The following RNF111 variants were observed in gnomAD, a reference collection of about 807,000 sequenced individuals.
RNF111 encodes E3 ubiquitin-protein ligase Arkadia.
RNF111 carries 17 observed loss-of-function variants against 95.1 expected under a neutral mutation model. The observed-to-expected ratio is 0.18, with a 90% CI of 0.12 to 0.27. RNF111 has a LOEUF of 0.27. Ranked by LOEUF, RNF111 falls within the 10% of genes least tolerant of loss-of-function variation. RNF111 has a pLI of 1.00. For synonymous variants in RNF111, 440 were observed against 414.8 expected, an observed-to-expected ratio of 1.06 and a Z score of -0.74; for missense variants, 1,189 against 1,210.4, an observed-to-expected ratio of 0.98 and a Z score of 0.26.
intron 6 of RNF111, among the ~76,000 whole-genome samples, chr15:59,070,026 CTGCT>C (rs1566930057): frequency 1.9e-5 from 2 of 103,728 alleles, no homozygotes; most frequent in Non-Finnish European, 3.6e-5. Flanking sequence ...ACCCCACCTC[CTGCT>C]TTTTTTTTTT....
At chr15:59,082,890 T>G (rs187833973) in intron 8 of RNF111, among the ~76,000 whole-genome samples, 50 of 152,366 alleles carry the variant, frequency 3.3e-4, no homozygotes, top group Admixed American at 3.2e-3. Context: ...AATTGCCAGT[T>G]TAACAGTCTT....
At chr15:59,027,205 C>T (rs112323787) in intron 1 of RNF111, among the ~76,000 whole-genome samples, 15 of 152,196 alleles carry the variant, frequency 9.9e-5, no homozygotes, top group African/African-American at 3.6e-4. Flanking sequence ...ATTTTTAAAT[C>T]TTCAGCCCAT....
intron 7 of RNF111, among the ~76,000 whole-genome samples, chr15:59,076,958 T>A (rs2078582087): frequency 1.3e-5 from 2 of 152,228 alleles, no homozygotes; most frequent in Non-Finnish European, 2.9e-5. Flanking sequence ...ACATATCTTC[T>A]TGGATTTTTT....
At chr15:59,018,561 A>C (rs138690293) in intron 1 of RNF111, among the ~76,000 whole-genome samples, 4 of 152,270 alleles carry the variant, frequency 2.6e-5, no homozygotes, top group Admixed American at 2.0e-4. Flanking sequence ...GAAAAAAAAC[A>C]AACTATATAT....
At chr15:59,017,044 TC>T (rs1179102316) in intron 1 of RNF111, among the ~76,000 whole-genome samples, 1 of 151,848 alleles carries the variant, frequency 6.6e-6, no homozygotes, top group Non-Finnish European at 1.5e-5. Context: ...TCCCACTGAT[TC>T]TATATTACGG....
chr15:59,032,905 T>A (rs779296708), intron 2 of RNF111, among the ~76,000 whole-genome samples: 113 of 152,126 alleles, frequency 7.4e-4, no homozygotes, highest in Middle Eastern at 3.4e-3. Context: ...TCTCTCTCTC[T>A]CACACACACA....
intron 6 of RNF111, among the ~76,000 whole-genome samples, chr15:59,074,409 A>G (rs1276357106): frequency 6.6e-6 from 1 of 152,230 alleles, no homozygotes; most frequent in African/African-American, 2.4e-5. Flanking sequence ...AAATGATCTT[A>G]GCTGGATTTT....
At chr15:59,070,765 C>A (rs1596269553) in intron 6 of RNF111, among the ~76,000 whole-genome samples, 1 of 152,134 alleles carries the variant, frequency 6.6e-6, no homozygotes, top group Non-Finnish European at 1.5e-5. Context: ...TATTATTCCC[C>A]CTAAACCTAG....
chr15:59,076,182 C>A lies in RNF111; in HGVS notation c.1915C>A (p.Leu639Ile). Residue 639 changes from leucine to isoleucine, a missense_variant, in exon 7 of 14, where the codon CTC (leucine) becomes ATC (isoleucine). Coordinates refer to ENST00000348370, the MANE Select transcript of RNF111 (RefSeq NM_017610.8). The part of the protein sequence containing the change: ...PQPQPPPQPS[L>I]SSCRHYMPPP... ...GCCCCAGCCCCCTCCACAGCCCTCTCTCTCATCATGTCGACATTACATGCC... is the reference window on the plus strand; with the variant it reads ...GCCCCAGCCCCCTCCACAGCCCTCTATCTCATCATGTCGACATTACATGCC... 6.2e-7 allele frequency: 1 copy of A among 1,613,790 alleles called. No homozygotes were observed. The highest frequency in any genetic ancestry group is 8.5e-7 in the Non-Finnish European group (1 of 1,180,034).
intron 5 of RNF111, among the ~76,000 whole-genome samples, chr15:59,063,816 C>G (rs375036159): frequency 6.6e-6 from 1 of 152,120 alleles, no homozygotes; most frequent in African/African-American, 2.4e-5. Flanking sequence ...CAACGTAATC[C>G]TCAAATAACT....
In RNF111 at chr15:59,041,733, T is replaced by C. The variant is rs553787491; in HGVS notation, c.880+10031T>C. 1.3e-3 allele frequency among the ~76,000 whole-genome samples: 203 copies of C among 152,314 alleles called. 3 individuals are homozygous for C. The highest frequency in any genetic ancestry group is 0.012 in the Admixed American group (178 of 15,302). On this transcript the variant is annotated intron_variant, in intron 2 of 13. Coordinates refer to ENST00000348370, the MANE Select transcript of RNF111 (RefSeq NM_017610.8). ...TTTTTCTCCATGGTGATTGTAACCA[T>C]TCTGAATGCTCACCGGCAAGGGTGC...
intron 1 of RNF111, among the ~76,000 whole-genome samples, chr15:59,001,954 A>G (rs2039342767): frequency 6.6e-6 from 1 of 152,208 alleles, no homozygotes; most frequent in African/African-American, 2.4e-5. Context: ...TATATTTAAT[A>G]AAAATTGTGT....
intron 7 of RNF111, among the ~76,000 whole-genome samples, chr15:59,079,464 A>G (rs11636707): frequency 0.34 from 52,239 of 152,114 alleles, 11,263 homozygotes; most frequent in Non-Finnish European, 0.49. Flanking sequence ...TCCTTTAAGT[A>G]CATGCTAACA....
chr15:59,031,127 C>A lies in RNF111; in HGVS notation c.305C>A (p.Pro102His). 1 of 1,614,170 alleles carries A rather than the reference C, an allele frequency of 6.2e-7. No homozygotes were observed. Among genetic ancestry groups the A allele is most frequent in the Middle Eastern group, 1.6e-4 (1 of 6,062 alleles). The change falls in exon 2 of 14, where the codon CCT (proline) becomes CAT (histidine). Residue 102 changes from proline (P) to histidine (H), a missense_variant. Transcript: ENST00000348370. ...RKKRKSQQAGPSYVQNCVKEN... is the reference protein window; with the variant it reads ...RKKRKSQQAGHSYVQNCVKEN... ...AAACGCAAAAGCCAGCAGGCTGGCC[C>A]TTCGTATGTGCAGAATTGTGTTAAA...
intron 4 of RNF111, 137 bp downstream of exon 4, chr15:59,055,982 GT>G: frequency 1.6e-6 from 1 of 643,086 alleles, no homozygotes; most frequent in Admixed American, 3.7e-5. Context: ...TTTTAATCTC[GT>G]TTTTAATTGA....
intron 13 of RNF111, among the ~76,000 whole-genome samples, chr15:59,093,049 T>C (rs1257583332): frequency 1.3e-5 from 2 of 152,204 alleles, no homozygotes; most frequent in Non-Finnish European, 2.9e-5. Context: ...AAGATTACTT[T>C]TGGCATATAC....
chr15:58,996,431 A>AG (rs1156924336), intron 1 of RNF111, among the ~76,000 whole-genome samples: 1 of 151,638 alleles, frequency 6.6e-6, no homozygotes, highest in Non-Finnish European at 1.5e-5. Context: ...AAAAAAAAAA[A>AG]GTAGCCAAGT....
At chr15:59,051,876 TATCAC>T (rs2042003086) in intron 2 of RNF111, among the ~76,000 whole-genome samples, 1 of 152,022 alleles carries the variant, frequency 6.6e-6, no homozygotes, top group Non-Finnish European at 1.5e-5. Flanking sequence ...TAAAAGAATA[TATCAC>T]CTAAATGAAA....
intron 1 of RNF111, chr15:58,988,351 G>A (rs926563167): frequency 2.0e-5 from 3 of 152,432 alleles, no homozygotes; most frequent in Non-Finnish European, 2.9e-5. Context: ...AGAGTCTCAG[G>A]ATGGGGGCTG....
Sources: allele counts gnomAD v4.1 joint callset (sites outside exome capture counted in the v4.1 genomes callset), GRCh38; gene constraint gnomAD v4.1.1; transcripts MANE v1.5; gene names NCBI Gene and HGNC (gene_info 2026-07-23, HGNC 2026-07-21).